Variants in ZNF804A observed in about 807,000 individuals in gnomAD.
ZNF804A encodes the protein zinc finger protein 804A.
In ZNF804A, 2 loss-of-function variants were observed where a neutral mutation model predicts 16.5. That is an observed-to-expected ratio of 0.12 (90% confidence interval 0.05 to 0.38). The LOEUF is 0.38. Ranked by LOEUF, ZNF804A falls within the 10% of genes least tolerant of loss-of-function variation. The probability of loss-of-function intolerance (pLI) is 0.99; values close to 1 mark genes in which losing one functional copy is unlikely to be tolerated. For missense variants in ZNF804A, 1,473 were observed against 1,390.7 expected (o/e 1.06, Z -0.94); for synonymous variants, 534 against 489.6 (o/e 1.09, Z -1.20).
At chr2:184,870,701 T>C (rs1311800824) in intron 2 of ZNF804A, among the ~76,000 whole-genome samples, 1 of 152,012 alleles carries the variant, frequency 6.6e-6, no homozygotes, top group African/African-American at 2.4e-5. Context: ...TTTTGAGATT[T>C]TGTAATAAGT....
At chr2:184,851,266 G>A (rs1182571607) in intron 1 of ZNF804A, among the ~76,000 whole-genome samples, 1 of 151,698 alleles carries the variant, frequency 6.6e-6, no homozygotes, top group Non-Finnish European at 1.5e-5. Context: ...TCACCATATT[G>A]TGAAACTAGA....
chr2:184,839,628 G>A lies in ZNF804A; in HGVS notation c.112-26741G>A, dbSNP rs75486007. Among the ~76,000 whole-genome samples the A allele has an allele frequency of 3.8e-3, 582 of 152,148 alleles. 25 individuals are homozygous for A. In the East Asian group the frequency reaches 0.072, roughly 19 times the overall value. On this transcript the variant is annotated intron_variant, in intron 1 of 3. Coordinates refer to ENST00000302277, the MANE Select transcript of ZNF804A (RefSeq NM_194250.2). ...GCAGTACAAAAGAAAAAAATGTAGT[G>A]TCCAGAATTGAACTTACACTTTAAA...
chr2:184,883,806 AT>A (rs1434009867), intron 2 of ZNF804A, among the ~76,000 whole-genome samples: 1 of 152,154 alleles, frequency 6.6e-6, no homozygotes, highest in African/African-American at 2.4e-5. Context: ...ATATTTCAAA[AT>A]AATAAGGGCT....
At chr2:184,830,360 G>T (rs968928461) in intron 1 of ZNF804A, among the ~76,000 whole-genome samples, 1 of 152,002 alleles carries the variant, frequency 6.6e-6, no homozygotes, top group African/African-American at 2.4e-5. Flanking sequence ...TCAATTAATT[G>T]TTTACCTTGA....
chr2:184,682,248 T>C (rs1164873164), intron 1 of ZNF804A, among the ~76,000 whole-genome samples: 4 of 152,156 alleles, frequency 2.6e-5, no homozygotes, highest in African/African-American at 9.7e-5. Flanking sequence ...TCAGCAATGC[T>C]CAGACAGAAG....
At chr2:184,765,114 G>C (rs1314834641) in intron 1 of ZNF804A, among the ~76,000 whole-genome samples, 2 of 152,074 alleles carry the variant, frequency 1.3e-5, no homozygotes, top group African/African-American at 4.8e-5. Context: ...TTTTTAATTG[G>C]TATATTCGTA....
chr2:184,638,152 G>T (rs570409429), intron 1 of ZNF804A, among the ~76,000 whole-genome samples: 5 of 152,174 alleles, frequency 3.3e-5, no homozygotes, highest in African/African-American at 1.2e-4. Context: ...GAGCTGTTAG[G>T]TTTGCTCAGG....
At chr2:184,791,137 C>G (rs1408747176) in intron 1 of ZNF804A, among the ~76,000 whole-genome samples, 3 of 152,056 alleles carry the variant, frequency 2.0e-5, no homozygotes, top group Non-Finnish European at 4.4e-5. Context: ...GTTTTCCACT[C>G]TGTATCTTTT....
intron 1 of ZNF804A, among the ~76,000 whole-genome samples, chr2:184,714,595 A>G (rs1264218751): frequency 6.6e-6 from 1 of 152,130 alleles, no homozygotes; most frequent in African/African-American, 2.4e-5. Context: ...CATTCAGAGA[A>G]CAGTGAATGT....
intron 1 of ZNF804A, among the ~76,000 whole-genome samples, chr2:184,703,707 A>AG (rs1692968327): frequency 6.7e-6 from 1 of 149,956 alleles, no homozygotes; most frequent in Non-Finnish European, 1.5e-5. Flanking sequence ...AAAAAAAAAA[A>AG]AAAAAGAAAG....
At chr2:184,804,753 T>C (rs1404939638) in intron 1 of ZNF804A, among the ~76,000 whole-genome samples, 1 of 152,154 alleles carries the variant, frequency 6.6e-6, no homozygotes, top group Non-Finnish European at 1.5e-5. Context: ...GAAATACAAC[T>C]CAGAAAATCT....
intron 1 of ZNF804A, among the ~76,000 whole-genome samples, chr2:184,838,625 C>T (rs149023987): frequency 2.1e-3 from 321 of 151,616 alleles, no homozygotes; most frequent in Middle Eastern, 6.8e-3. Flanking sequence ...ACAATCTGTA[C>T]CATTTTAATA....
chr2:184,740,067 T>C (rs924825288), intron 1 of ZNF804A, among the ~76,000 whole-genome samples: 2 of 152,234 alleles, frequency 1.3e-5, no homozygotes, highest in Admixed American at 6.5e-5. Flanking sequence ...CATGACTTGG[T>C]AAATGAATCC....
chr2:184,705,328 C>G (rs1574171624), intron 1 of ZNF804A, among the ~76,000 whole-genome samples: 1 of 152,038 alleles, frequency 6.6e-6, no homozygotes, highest in African/African-American at 2.4e-5. Flanking sequence ...TGAAAAGGTA[C>G]AGGCAAAATA....
chr2:184,809,706 T>C (rs1694862753), intron 1 of ZNF804A, among the ~76,000 whole-genome samples: 1 of 151,914 alleles, frequency 6.6e-6, no homozygotes, highest in Non-Finnish European at 1.5e-5. Context: ...GGGTCAAAAA[T>C]GCTACAAAAA....
At chr2:184,622,821 C>T (rs940071001) in intron 1 of ZNF804A, among the ~76,000 whole-genome samples, 3 of 151,726 alleles carry the variant, frequency 2.0e-5, no homozygotes, top group African/African-American at 7.3e-5. Flanking sequence ...AACTTAGAAC[C>T]GGAATACATA....
At chr2:184,600,485 A>G (rs976902101) in intron 1 of ZNF804A, among the ~76,000 whole-genome samples, 4 of 152,222 alleles carry the variant, frequency 2.6e-5, no homozygotes, top group Non-Finnish European at 5.9e-5. Context: ...AGCAGTAGCC[A>G]AAGGCTAAAG....
rs567868985 is a variant in ZNF804A, at chr2:184,750,182, T to C, written c.112-116187T>C. ...ATTGAGGAGTGATAACTTAGCTTTA[T>C]TAATTTCTTTAAGGATTCTATAAAC... On this transcript the variant is annotated intron_variant, in intron 1 of 3. Coordinates refer to ENST00000302277, the MANE Select transcript of ZNF804A (RefSeq NM_194250.2). Among the ~76,000 whole-genome samples the C allele has an allele frequency of 3.3e-5, 5 of 151,460 alleles. No homozygotes were observed. In the South Asian group the frequency reaches 1.0e-3, roughly 31 times the overall value.
intron 1 of ZNF804A, among the ~76,000 whole-genome samples, chr2:184,613,929 A>C (rs1317727699): frequency 6.6e-6 from 1 of 152,180 alleles, no homozygotes; most frequent in Non-Finnish European, 1.5e-5. Context: ...AATTAGAAAA[A>C]ACTATGTTAA....
Sources: allele counts gnomAD v4.1 joint callset (sites outside exome capture counted in the v4.1 genomes callset), GRCh38; gene constraint gnomAD v4.1.1; transcripts MANE v1.5; gene names NCBI Gene and HGNC (gene_info 2026-07-23, HGNC 2026-07-21).